MYO5C: variants seen among roughly 807,000 people sequenced by gnomAD.
MYO5C encodes the protein myosin VC.
Under a neutral mutation model 235.7 loss-of-function variants are expected in MYO5C, and 194 were observed. The observed-to-expected ratio is 0.82, with a 90% CI of 0.73 to 0.93. The LOEUF (loss-of-function observed/expected upper bound fraction) is 0.93. Ranked by LOEUF, MYO5C falls within the 40% of genes least tolerant of loss-of-function variation. MYO5C has a pLI of 0.00. For synonymous variants in MYO5C, 707 were observed against 754.8 expected (o/e 0.94, Z 1.04); for missense variants, 2,038 against 2,127.2 (o/e 0.96, Z 0.82).
intron 32 of MYO5C, among the ~76,000 whole-genome samples, chr15:52,215,794 A>G (rs547374611): frequency 6.6e-6 from 1 of 152,308 alleles, no homozygotes; most frequent in Non-Finnish European, 1.5e-5. Context: ...CAAAATTTCA[A>G]ATCCTACATT....
In MYO5C at chr15:52,245,461, T is replaced by A. The variant is rs761918866; in HGVS notation, c.2071A>T (p.Thr691Ser). 1 of 1,611,598 alleles carries A rather than the reference T, an allele frequency of 6.2e-7. No homozygotes were observed. Among genetic ancestry groups the A allele is most frequent in the East Asian group, 2.2e-5 (1 of 44,872 alleles). ...ISAQSYPSRW[T>S]YIEFYSRYGI... is the part of the protein sequence containing the mutation. ...TAGCGACTGTAGAACTCGATGTATG[T>A]CCACCTGGAAAATCAAAGGGGATCA... The change falls in exon 18 of 41, where the codon ACA becomes TCA. Residue 691 changes from threonine (T) to serine (S), a missense_variant. Coordinates refer to ENST00000261839, the MANE Select transcript of MYO5C (RefSeq NM_018728.4).
Position 52,224,921 on chromosome 15 carries a change from T to C in MYO5C, c.3426A>G (p.Glu1142=). The part of the protein sequence containing the change: ...NEDGELWFAY[E]GLKKATRVLE... ...CTAACCGTGTTGCTTTCTTTAGTCC[T>C]TCATAAGCAAACCAAAGTTCTCCAT... is the stretch of plus-strand genomic sequence containing the variant. Residue 1142 remains glutamate, a synonymous_variant, in exon 28 of 41, where the codon GAA becomes GAG. Transcript: ENST00000261839. 1 of 1,613,908 alleles carries C rather than the reference T, an allele frequency of 6.2e-7. No individual in the cohort carries two copies.
chr15:52,209,020 G>A (rs955361969), intron 35 of MYO5C, among the ~76,000 whole-genome samples: 1 of 152,194 alleles, frequency 6.6e-6, no homozygotes, highest in African/African-American at 2.4e-5. Context: ...AGAGGACGAG[G>A]AGAGAGGATG....
chr15:52,215,740 A>G (rs1036279878), intron 32 of MYO5C, among the ~76,000 whole-genome samples: 1 of 152,218 alleles, frequency 6.6e-6, no homozygotes, highest in Non-Finnish European at 1.5e-5. Context: ...TTTTTTCCCA[A>G]TATGGTAAAT....
rs1477762614 is a variant in MYO5C, at chr15:52,257,844, C to G, written c.1314-1124G>C. ...TCCTGCCGGCTCCTATCACAGGTCCCCTGGGAGTCTCACTTGACTGAGCTG... is the reference window on the plus strand; with the variant it reads ...TCCTGCCGGCTCCTATCACAGGTCCGCTGGGAGTCTCACTTGACTGAGCTG... On this transcript the variant is annotated intron_variant, in intron 10 of 40. Coordinates refer to ENST00000261839, the MANE Select transcript of MYO5C (RefSeq NM_018728.4). Among the ~76,000 whole-genome samples the G allele has an allele frequency of 4.6e-5, 7 of 152,318 alleles. No individual in the cohort carries two copies. In the South Asian group the frequency reaches 1.2e-3, roughly 27 times the overall value.
chr15:52,277,212 C>T (rs143424118), intron 4 of MYO5C: 2 of 530,764 alleles, frequency 3.8e-6, no homozygotes, highest in African/African-American at 1.9e-5. Context: ...TAGCATCAAA[C>T]AAGGCCAACA....
intron 34 of MYO5C, among the ~76,000 whole-genome samples, chr15:52,212,617 C>T (rs1425254210): frequency 6.6e-6 from 1 of 152,166 alleles, no homozygotes; most frequent in Non-Finnish European, 1.5e-5. Context: ...TGCCAGAAAA[C>T]CACGTGGAAG....
intron 36 of MYO5C, 35 bp from the exon 37 acceptor site, chr15:52,206,001 A>C: frequency 7.8e-7 from 1 of 1,289,344 alleles, no homozygotes. Context: ...TATTAGAATA[A>C]TACAAACATG....
chr15:52,198,227 C>T (rs1006905108), intron 38 of MYO5C, among the ~76,000 whole-genome samples: 4 of 152,016 alleles, frequency 2.6e-5, no homozygotes, highest in South Asian at 4.2e-4. Flanking sequence ...CCCAGCTACT[C>T]GGGAGGCTGA....
In MYO5C at chr15:52,199,689, A is replaced by T. The variant is rs925177452; in HGVS notation, c.4821-3206T>A. Among the ~76,000 whole-genome samples, 2 of 151,932 alleles carry T rather than the reference A, an allele frequency of 1.3e-5. 1 individual carries two copies. The highest frequency in any genetic ancestry group is 2.9e-5 in the Non-Finnish European group (2 of 67,958). On this transcript the variant is annotated intron_variant, in intron 38 of 40. Coordinates refer to ENST00000261839, the MANE Select transcript of MYO5C (RefSeq NM_018728.4). ...TACCTTTTCCCTCTCCTTTTTCTCT[A>T]TTCTCTCATGCTCAAGTTCCAATCC...
At chr15:52,210,782 C>T (rs1392337271) in intron 35 of MYO5C, among the ~76,000 whole-genome samples, 1 of 152,110 alleles carries the variant, frequency 6.6e-6, no homozygotes, top group Non-Finnish European at 1.5e-5. Flanking sequence ...ATGGAGTTTC[C>T]AGGAAAAATA....
chr15:52,211,695 T>G (rs371437707), intron 35 of MYO5C, 35 bp downstream of exon 35: 17 of 1,602,526 alleles, frequency 1.1e-5, no homozygotes, highest in African/African-American at 2.7e-5. Flanking sequence ...CCCATAGATG[T>G]GATACCAGGG....
intron 13 of MYO5C, among the ~76,000 whole-genome samples, chr15:52,250,161 C>A (rs2036440320): frequency 6.6e-6 from 1 of 151,768 alleles, no homozygotes. Context: ...GACATATGAT[C>A]ATTTCATTTC....
In MYO5C at chr15:52,194,958, G is replaced by A. The variant is rs980516409; in HGVS notation, c.5076+419C>T. Among the ~76,000 whole-genome samples the A allele has an allele frequency of 4.6e-5, 7 of 152,146 alleles. No individual in the cohort carries two copies. The East Asian group carries it at 1.4e-3, about 29-fold the overall frequency. ...CTTGAAAGTGTCTCAAGGACTCCCA[G>A]GGATCCTTGAGCCAAACTTGGAGAA... is the stretch of plus-strand genomic sequence containing the variant. On this transcript the variant is annotated intron_variant, in intron 40 of 40. Coordinates refer to ENST00000261839, the MANE Select transcript of MYO5C (RefSeq NM_018728.4).
chr15:52,221,185 T>G lies in MYO5C; in HGVS notation c.3698A>C (p.Asn1233Thr), dbSNP rs1181916485. The G allele has an allele frequency of 6.2e-7, 1 of 1,613,054 alleles. No individual in the cohort carries two copies. Among genetic ancestry groups the G allele is most frequent in the East Asian group, 2.2e-5 (1 of 44,866 alleles). Reference protein sequence around the residue: ...KQKQDLEIRLNEQAEKMKGKL... With the variant: ...KQKQDLEIRLTEQAEKMKGKL... Reference sequence around the variant, plus strand: ...ACCTTTCATTTTCTCAGCTTGTTCATTCAGGCGGATTTCAAGATCTTGCTT... The same window carrying G: ...ACCTTTCATTTTCTCAGCTTGTTCAGTCAGGCGGATTTCAAGATCTTGCTT... Residue 1233 changes from asparagine to threonine, a missense_variant, in exon 30 of 41, where the codon AAT (asparagine) becomes ACT (threonine). Transcript: ENST00000261839.
chr15:52,267,151 TG>T (rs895678781), intron 8 of MYO5C, among the ~76,000 whole-genome samples: 11 of 152,206 alleles, frequency 7.2e-5, no homozygotes, highest in Non-Finnish European at 1.5e-4. Context: ...GTGTGAAACA[TG>T]GGGGCAAATG....
intron 32 of MYO5C, among the ~76,000 whole-genome samples, chr15:52,218,311 A>G (rs1443932891): frequency 6.6e-6 from 1 of 151,298 alleles, no homozygotes; most frequent in Non-Finnish European, 1.5e-5. Context: ...CTCCTCCTTC[A>G]CCCTCCCCAG....
At chr15:52,257,115 T>G (rs116172215) in intron 10 of MYO5C, among the ~76,000 whole-genome samples, 1 of 152,248 alleles carries the variant, frequency 6.6e-6, no homozygotes, top group Non-Finnish European at 1.5e-5. Flanking sequence ...CGAAGCTGCC[T>G]GACTGTGATG....
At chr15:52,275,516 C>G (rs2037024690) in intron 5 of MYO5C, 46 bp downstream of exon 5, 2 of 1,610,376 alleles carry the variant, frequency 1.2e-6, no homozygotes, top group Admixed American at 1.7e-5. Flanking sequence ...CAACCAACCC[C>G]CATTTCCATC....
Sources: allele counts gnomAD v4.1 joint callset (sites outside exome capture counted in the v4.1 genomes callset), GRCh38; gene constraint gnomAD v4.1.1; transcripts MANE v1.5; gene names NCBI Gene and HGNC (gene_info 2026-07-23, HGNC 2026-07-21).